PRKCH: variants seen among roughly 807,000 people sequenced by gnomAD.
The protein encoded by PRKCH is protein kinase C eta type.
PRKCH carries 28 observed loss-of-function variants against 82.5 expected under a neutral mutation model. The observed-to-expected ratio is 0.34, with a 90% CI of 0.25 to 0.47. The LOEUF is 0.47. Ranked by LOEUF, PRKCH falls within the 20% of genes least tolerant of loss-of-function variation. The pLI is 1.00. For missense variants in PRKCH, 705 were observed against 881.8 expected (o/e 0.80, Z 2.54); for synonymous variants, 322 against 327.4 (o/e 0.98, Z 0.18).
At chr14:61,506,428 C>A (rs1031963216) in intron 10 of PRKCH, among the ~76,000 whole-genome samples, 2 of 152,038 alleles carry the variant, frequency 1.3e-5, no homozygotes, top group African/African-American at 4.8e-5. Context: ...GATGTCCTGG[C>A]CAGTCCAGGG....
At position 61,340,757 on chromosome 14, in the gene PRKCH, A is replaced by G. The variant is rs932583520; in HGVS notation, c.363+18293A>G. Among the ~76,000 whole-genome samples, 10 of 152,204 alleles carry G rather than the reference A, an allele frequency of 6.6e-5. No individual in the cohort carries two copies. The East Asian group carries it at 7.7e-4, about 12-fold the overall frequency. On this transcript the variant is annotated intron_variant, in intron 1 of 13. Transcript: ENST00000332981. ...ATCCTTTAGGCATCTCCAAGTCAAC[A>G]TGTCCACAATTAAATATCCCATCTT...
At chr14:61,403,802 A>G (rs1881794506) in intron 2 of PRKCH, among the ~76,000 whole-genome samples, 1 of 152,186 alleles carries the variant, frequency 6.6e-6, no homozygotes. Flanking sequence ...CTTGAAAAAC[A>G]GAGGCTGACT....
chr14:61,211,430 G>A (rs1331910322), intron 1 of PRKCH, among the ~76,000 whole-genome samples: 1 of 152,154 alleles, frequency 6.6e-6, no homozygotes, highest in Non-Finnish European at 1.5e-5. Flanking sequence ...CTGGCTAAAT[G>A]AACACAGTAC....
intron 1 of PRKCH, among the ~76,000 whole-genome samples, chr14:61,251,638 A>T (rs749161444): frequency 1.3e-5 from 2 of 152,138 alleles, no homozygotes; most frequent in Non-Finnish European, 2.9e-5. Context: ...AATCTTGGCT[A>T]TTGTGAACAG....
intron 1 of PRKCH, among the ~76,000 whole-genome samples, chr14:61,380,885 T>G (rs975037733): frequency 2.0e-5 from 3 of 152,188 alleles, no homozygotes; most frequent in African/African-American, 4.8e-5. Flanking sequence ...GAGTTTTACT[T>G]TTGCCAGATG....
chr14:61,283,686 A>C (rs1440121254), intron 1 of PRKCH, among the ~76,000 whole-genome samples: 2 of 152,150 alleles, frequency 1.3e-5, no homozygotes, highest in African/African-American at 4.8e-5. Context: ...GTTTCTACAA[A>C]AAATAAAAAC....
chr14:61,199,619 A>ATT (rs10717220), intron 1 of PRKCH, among the ~76,000 whole-genome samples: 48,355 of 150,246 alleles, frequency 0.32, 9,093 homozygotes, highest in East Asian at 0.46. Flanking sequence ...TTTTTGTTTC[A>ATT]TTTTTTTTTT....
At chr14:61,256,434 G>C (rs763059557) in intron 1 of PRKCH, among the ~76,000 whole-genome samples, 5 of 152,178 alleles carry the variant, frequency 3.3e-5, no homozygotes, top group Admixed American at 6.5e-5. Context: ...GGTGTGTTCT[G>C]TCATAGCTTT....
At chr14:61,376,722 T>A (rs2046432551) in intron 1 of PRKCH, among the ~76,000 whole-genome samples, 1 of 152,238 alleles carries the variant, frequency 6.6e-6, no homozygotes, top group Non-Finnish European at 1.5e-5. Context: ...TAGTTTGTCC[T>A]CCAGCATGTT....
chr14:61,340,415 C>G (rs979530954), intron 1 of PRKCH, among the ~76,000 whole-genome samples: 5 of 151,742 alleles, frequency 3.3e-5, no homozygotes, highest in Non-Finnish European at 7.4e-5. Flanking sequence ...GGTGGTTTGT[C>G]TTTACCTTCT....
chr14:61,191,711 A>C (rs972653948), intron 1 of PRKCH, among the ~76,000 whole-genome samples: 1 of 152,098 alleles, frequency 6.6e-6, no homozygotes, highest in Non-Finnish European at 1.5e-5. Flanking sequence ...AGAATTTTTC[A>C]CGTCTCAACT....
intron 10 of PRKCH, among the ~76,000 whole-genome samples, chr14:61,498,602 CAATTTGGT>C (rs1028007575): frequency 2.6e-5 from 4 of 152,104 alleles, no homozygotes; most frequent in Admixed American, 6.5e-5. Flanking sequence ...GGGTGCTGGC[CAATTTGGT>C]TCCTCATGAG....
intron 1 of PRKCH, among the ~76,000 whole-genome samples, chr14:61,307,943 CCT>C (rs1196715927): frequency 5.3e-5 from 8 of 152,164 alleles, no homozygotes; most frequent in African/African-American, 1.9e-4. Context: ...CCCAAGCAAT[CCT>C]CCCACCTCAG....
chr14:61,509,464 A>C (rs977694767), intron 10 of PRKCH, among the ~76,000 whole-genome samples: 2 of 151,920 alleles, frequency 1.3e-5, no homozygotes, highest in African/African-American at 4.9e-5. Context: ...GATAAATCAG[A>C]ATCTTTGCTC....
intron 1 of PRKCH, among the ~76,000 whole-genome samples, chr14:61,248,981 C>T (rs1008049591): frequency 1.3e-5 from 2 of 151,978 alleles, no homozygotes; most frequent in African/African-American, 4.8e-5. Context: ...TTTGTATATT[C>T]GGTAGCGACG....
chr14:61,433,798 T>C (rs1883538647), intron 2 of PRKCH, among the ~76,000 whole-genome samples: 1 of 152,138 alleles, frequency 6.6e-6, no homozygotes. Flanking sequence ...ACACATAGAG[T>C]ATAACATACA....
chr14:61,264,687 A>G (rs1028263504), intron 1 of PRKCH, among the ~76,000 whole-genome samples: 12 of 152,328 alleles, frequency 7.9e-5, no homozygotes, highest in Middle Eastern at 3.4e-3. Context: ...TGAGCAACAC[A>G]GGCAGAAGAA....
At chr14:61,309,351 G>C (rs2045504990) in intron 1 of PRKCH, among the ~76,000 whole-genome samples, 1 of 152,192 alleles carries the variant, frequency 6.6e-6, no homozygotes, top group African/African-American at 2.4e-5. Flanking sequence ...GCATAGTCAT[G>C]GATCTGTGGC....
rs143468019 is a variant in PRKCH, at chr14:61,259,474, C to T, written c.-19+71806C>T. Among the ~76,000 whole-genome samples, 774 of 152,266 alleles carry T rather than the reference C, an allele frequency of 5.1e-3. 8 individuals carry two copies. Among genetic ancestry groups the T allele is most frequent in the Non-Finnish European group, 6.9e-3 (471 of 68,014 alleles). On this transcript the variant is annotated intron_variant, in intron 1 of 3. Coordinates refer to the PRKCH transcript ENST00000555185. ...AGTGGAAGAGACAGATTCTCAAACC[C>T]GGCTGCACGTAAGAATCACCTGGAG...
Sources: gnomAD v4.1 joint callset for allele counts (sites outside exome capture counted in the v4.1 genomes callset) on GRCh38, gnomAD v4.1.1 for gene constraint, MANE v1.5 for transcripts, NCBI Gene and HGNC (gene_info 2026-07-23, HGNC 2026-07-21) for gene names.